The following ZNF804B variants were observed in gnomAD, a reference collection of about 807,000 sequenced individuals.
The protein encoded by ZNF804B is zinc finger 804B.
Under a neutral mutation model 101.4 loss-of-function variants are expected in ZNF804B, and 80 were observed. That is an observed-to-expected ratio of 0.79 (90% CI 0.66 to 0.95). The LOEUF (loss-of-function observed/expected upper bound fraction) is 0.95. Ranked by LOEUF, ZNF804B falls within the 40% of genes least tolerant of loss-of-function variation. The pLI is 0.00. For missense variants in ZNF804B, 1,673 were observed against 1,561.9 expected, an observed-to-expected ratio of 1.07 and a Z score of -1.20; for synonymous variants, 622 against 558.8, an observed-to-expected ratio of 1.11 and a Z score of -1.59.
chr7:89,054,536 T>C (rs1418617106), intron 1 of ZNF804B, among the ~76,000 whole-genome samples: 1 of 151,956 alleles, frequency 6.6e-6, no homozygotes, highest in African/African-American at 2.4e-5. Flanking sequence ...AAGGAAATGA[T>C]TGTGGCTTAG....
At chr7:89,277,911 T>C (rs1790014692) in intron 2 of ZNF804B, among the ~76,000 whole-genome samples, 1 of 152,142 alleles carries the variant, frequency 6.6e-6, no homozygotes, top group Non-Finnish European at 1.5e-5. Flanking sequence ...TCTAGGTCCA[T>C]GAAGAGTCGC....
At chr7:89,333,258 A>G in intron 3 of ZNF804B, 105 bp from the exon 4 acceptor site, 1 of 1,156,224 alleles carries the variant, frequency 8.6e-7, no homozygotes, top group Non-Finnish European at 1.2e-6. Context: ...GATGTAGCTC[A>G]TAAAATGTAA....
rs547474681 is a variant in ZNF804B at position 89,330,072 on chromosome 7, AG to A, written c.380+2599del. On this transcript the variant is annotated intron_variant, in intron 3 of 3. Coordinates refer to ENST00000333190, the MANE Select transcript of ZNF804B (RefSeq NM_181646.5). ...ATAAGAATTAAAAACCAAACTCTAC[AG>A]ACACTTTATTAACCATTATTTTAAT... is the stretch of plus-strand genomic sequence containing the variant. Among the ~76,000 whole-genome samples, 77 of 151,830 alleles carry A rather than the reference AG, an allele frequency of 5.1e-4. 1 individual carries two copies. Among genetic ancestry groups the A allele is most frequent in the Middle Eastern group, 6.8e-3 (2 of 294 alleles).
At chr7:89,029,442 A>G (rs866104398) in intron 1 of ZNF804B, among the ~76,000 whole-genome samples, 1 of 152,268 alleles carries the variant, frequency 6.6e-6, no homozygotes, top group Middle Eastern at 3.4e-3. Flanking sequence ...ATATCCTGAG[A>G]TGTAATATGG....
intron 2 of ZNF804B, among the ~76,000 whole-genome samples, chr7:89,238,073 G>C (rs1267610682): frequency 6.6e-6 from 1 of 152,112 alleles, no homozygotes; most frequent in African/African-American, 2.4e-5. Context: ...ATGAATGCAG[G>C]TAAGGAGAGG....
At chr7:88,854,389 TTC>T (rs1491162027) in intron 1 of ZNF804B, among the ~76,000 whole-genome samples, 3 of 144,766 alleles carry the variant, frequency 2.1e-5, no homozygotes, top group Admixed American at 6.8e-5. Flanking sequence ...TGTACTGCAT[TTC>T]TTTCTTTCTT....
At chr7:88,877,011 T>A (rs932214176) in intron 1 of ZNF804B, among the ~76,000 whole-genome samples, 4,890 of 65,466 alleles carry the variant, frequency 0.075, 293 homozygotes, top group Non-Finnish European at 0.086. Flanking sequence ...AAAAAAAATA[T>A]ATATATATAT....
chr7:89,335,273 AC>A lies in ZNF804B; in HGVS notation c.2292del (p.Leu765CysfsTer5). 6.2e-7 allele frequency: 1 copy of A among 1,613,782 alleles called. No individual in the cohort carries two copies. Among genetic ancestry groups the A allele is most frequent in the African/African-American group, 1.3e-5 (1 of 75,030 alleles). On this transcript the variant is annotated frameshift_variant, in exon 4 of 4. Coordinates refer to ENST00000333190, the MANE Select transcript of ZNF804B (RefSeq NM_181646.5). LOFTEE classifies it high-confidence loss of function. ...KRKCLKHNCF[Y>X]LSDDITKSSQ... ...AAATGTCTAAAGCACAACTGCTTCTACTTGTCTGATGATATAACAAAGAGCA... is the reference window on the plus strand; with the variant it reads ...AAATGTCTAAAGCACAACTGCTTCTATTGTCTGATGATATAACAAAGAGCA...
At chr7:89,014,605 C>T (rs559188451) in intron 1 of ZNF804B, among the ~76,000 whole-genome samples, 11 of 152,236 alleles carry the variant, frequency 7.2e-5, no homozygotes, top group South Asian at 2.1e-4. Context: ...TGTGAGCCAC[C>T]GCGCCCAGCG....
At chr7:89,121,999 T>G (rs938167046) in intron 1 of ZNF804B, among the ~76,000 whole-genome samples, 21 of 151,868 alleles carry the variant, frequency 1.4e-4, no homozygotes, top group African/African-American at 2.7e-4. Context: ...AATTTAAAAT[T>G]TATGTGCCTA....
chr7:88,823,617 A>G (rs752129281), intron 1 of ZNF804B, among the ~76,000 whole-genome samples: 24 of 152,198 alleles, frequency 1.6e-4, no homozygotes, highest in Non-Finnish European at 2.5e-4. Context: ...GGGGAATGGC[A>G]GTGGTTTCCA....
At chr7:88,998,094 G>A (rs889479674) in intron 1 of ZNF804B, among the ~76,000 whole-genome samples, 7 of 151,924 alleles carry the variant, frequency 4.6e-5, no homozygotes, top group African/African-American at 1.5e-4. Context: ...GTCACCTTAT[G>A]TTTCTATCCT....
chr7:89,073,298 G>A (rs1789569178), intron 1 of ZNF804B, among the ~76,000 whole-genome samples: 1 of 152,020 alleles, frequency 6.6e-6, no homozygotes, highest in East Asian at 1.9e-4. Context: ...ATTTTGGGGA[G>A]GTAGGAATTT....
intron 1 of ZNF804B, among the ~76,000 whole-genome samples, chr7:88,859,866 T>A (rs1253291852): frequency 6.6e-6 from 1 of 151,916 alleles, no homozygotes; most frequent in Non-Finnish European, 1.5e-5. Flanking sequence ...AAAAGGATAA[T>A]TCCTGAAATT....
At chr7:89,113,913 C>T (rs970337108) in intron 1 of ZNF804B, among the ~76,000 whole-genome samples, 4 of 151,236 alleles carry the variant, frequency 2.6e-5, no homozygotes, top group Non-Finnish European at 5.9e-5. Context: ...CGTGCCACTG[C>T]ACTCCAGCCA....
intron 1 of ZNF804B, among the ~76,000 whole-genome samples, chr7:89,169,009 A>G (rs113138587): frequency 0.021 from 3,175 of 152,204 alleles, 122 homozygotes; most frequent in African/African-American, 0.073. Context: ...ATTAGAAGCC[A>G]TGGGTCAAAG....
intron 1 of ZNF804B, among the ~76,000 whole-genome samples, chr7:89,116,110 C>T (rs1482699967): frequency 6.7e-6 from 1 of 149,924 alleles, no homozygotes; most frequent in African/African-American, 2.5e-5. Flanking sequence ...AACAGTGTTT[C>T]GCCATGTTCC....
chr7:89,255,924 A>AT (rs1322625914), intron 2 of ZNF804B, among the ~76,000 whole-genome samples: 1 of 152,116 alleles, frequency 6.6e-6, no homozygotes, highest in South Asian at 2.1e-4. Context: ...ATTGCTCATA[A>AT]TTTTTTTAAT....
chr7:88,872,037 T>A (rs757526057), intron 1 of ZNF804B, among the ~76,000 whole-genome samples: 1 of 152,174 alleles, frequency 6.6e-6, no homozygotes, highest in Non-Finnish European at 1.5e-5. Context: ...CAAATGTGTA[T>A]AATGGATTTT....
Sources: gnomAD v4.1 joint callset for allele counts (sites outside exome capture counted in the v4.1 genomes callset) on GRCh38, gnomAD v4.1.1 for gene constraint, MANE v1.5 for transcripts, NCBI Gene and HGNC (gene_info 2026-07-23, HGNC 2026-07-21) for gene names.